ALPK3: variants seen among roughly 807,000 people sequenced by gnomAD.
ALPK3 encodes alpha-protein kinase 3.
ALPK3 carries 102 observed loss-of-function variants against 140.0 expected under a neutral mutation model. That is an observed-to-expected ratio of 0.73 (90% CI 0.62 to 0.86). The LOEUF (loss-of-function observed/expected upper bound fraction) is 0.86, where lower values mean the gene tolerates loss of function less well. Ranked by LOEUF, ALPK3 falls within the 40% of genes least tolerant of loss-of-function variation. ALPK3 has a pLI of 0.00. For synonymous variants in ALPK3, 938 were observed against 898.5 expected, an observed-to-expected ratio of 1.04 and a Z score of -0.79; for missense variants, 2,254 against 2,208.2, an observed-to-expected ratio of 1.02 and a Z score of -0.42.
At chr15:84,860,567 G>T (rs1251257965) in intron 9 of ALPK3, among the ~76,000 whole-genome samples, 1 of 152,220 alleles carries the variant, frequency 6.6e-6, no homozygotes. Context: ...CATTTGAAGG[G>T]CTCAAATAGG....
At chr15:84,832,100 G>A (rs546073910) in intron 3 of ALPK3, among the ~76,000 whole-genome samples, 1 of 152,312 alleles carries the variant, frequency 6.6e-6, no homozygotes, top group African/African-American at 2.4e-5. Flanking sequence ...GTCATCCAGT[G>A]AGATAGAATG....
chr15:84,858,125 A>G lies in ALPK3; in HGVS notation c.3387A>G (p.Ser1129=). The G allele has an allele frequency of 6.3e-7, 1 of 1,586,940 alleles. No individual in the cohort carries two copies. The highest frequency in any genetic ancestry group is 1.2e-5 in the South Asian group (1 of 86,482). ...AGGCAGCCCCTGGACAGGGGCCCTC[A>G]GCAGAGAGCATAGCCCAGGAGCCCT... ...GGQAAPGQGP[S]AESIAQEPSQ... is the part of the protein sequence containing the mutation. Residue 1129 remains serine, a synonymous_variant, in exon 6 of 14, where the codon TCA becomes TCG. Transcript: ENST00000258888.
In ALPK3 at chr15:84,856,420, C is replaced by T. The variant is rs748101596; in HGVS notation, c.1682C>T (p.Pro561Leu). The stretch of plus-strand genomic sequence containing the variant: ...CTGGAATGCCAGACAACCACGGCTC[C>T]TACCATGTCGGCCAGCAGCAGCTCT... Reference protein sequence around the residue: ...EVLECQTTTAPTMSASSSSDV... With the variant: ...EVLECQTTTALTMSASSSSDV... Residue 561 changes from proline (P) to leucine (L), a missense_variant, in exon 6 of 14, where the codon CCT (proline) becomes CTT (leucine). Coordinates refer to ENST00000258888, the MANE Select transcript of ALPK3 (RefSeq NM_020778.5). 11 of 1,608,480 alleles carry T rather than the reference C, an allele frequency of 6.8e-6. No individual in the cohort carries two copies. The highest frequency in any genetic ancestry group is 6.7e-5 in the South Asian group (6 of 89,870).
At position 84,858,490 on chromosome 15, in the gene ALPK3, T is replaced by A; in HGVS notation, c.3752T>A (p.Val1251Glu). ...AAGGCCGGCGGTCTGGACACAGAGGTGGCCCTGGATGAAGGCAAGCAGGAG... is the reference window on the plus strand; with the variant it reads ...AAGGCCGGCGGTCTGGACACAGAGGAGGCCCTGGATGAAGGCAAGCAGGAG... ...SPKAGGLDTE[V>E]ALDEGKQETL... Residue 1251 changes from valine (V) to glutamate (E), a missense_variant, in exon 6 of 14, where the codon GTG becomes GAG. By Grantham distance (121) the Val-to-Glu change is moderately radical. Transcript: ENST00000258888. 6.3e-7 allele frequency: 1 copy of A among 1,579,142 alleles called. No individual in the cohort carries two copies.
rs1174090150 is a variant in ALPK3 at position 84,824,661 on chromosome 15, C to T, written c.182+1293C>T. Among the ~76,000 whole-genome samples, 7 of 152,104 alleles carry T rather than the reference C, an allele frequency of 4.6e-5. No individual in the cohort carries two copies. In the East Asian group the frequency reaches 5.8e-4, roughly 13 times the overall value. On this transcript the variant is annotated intron_variant, in intron 2 of 13. Transcript: ENST00000258888. The stretch of plus-strand genomic sequence containing the variant: ...GAGTGTGGTAAGCGTTGACAGGAGA[C>T]GACCTGGGCAAACCAAACCTTACCT...
Position 84,862,418 on chromosome 15 carries a change from A to G in ALPK3, c.4130-217A>G, listed in dbSNP as rs768176117. Among the ~76,000 whole-genome samples the G allele has an allele frequency of 1.1e-4, 17 of 152,154 alleles. 1 individual carries two copies. Among genetic ancestry groups the G allele is most frequent in the Admixed American group, 3.3e-4 (5 of 15,288 alleles). ...GTTATGTGATGGATACCACATGGGTACCGCTAGATGGCAGGGGTTGAATCA... is the reference window on the plus strand; with the variant it reads ...GTTATGTGATGGATACCACATGGGTGCCGCTAGATGGCAGGGGTTGAATCA... On this transcript the variant is annotated intron_variant, in intron 9 of 13. Transcript: ENST00000258888.
chr15:84,865,215 C>T (rs1422356471), intron 12 of ALPK3, among the ~76,000 whole-genome samples: 1 of 152,174 alleles, frequency 6.6e-6, no homozygotes, highest in Non-Finnish European at 1.5e-5. Context: ...AGGCATGAAC[C>T]CTCCTTCCTT....
chr15:84,824,305 G>A (rs553202197), intron 2 of ALPK3, among the ~76,000 whole-genome samples: 3 of 152,288 alleles, frequency 2.0e-5, no homozygotes, highest in African/African-American at 7.2e-5. Flanking sequence ...CAGGTTTGCT[G>A]GGTGAATGAC....
intron 1 of ALPK3, among the ~76,000 whole-genome samples, chr15:84,819,852 G>A (rs973814088): frequency 1.3e-5 from 2 of 152,192 alleles, no homozygotes; most frequent in Admixed American, 6.5e-5. Flanking sequence ...GGGAACTGAT[G>A]GACAGCTGAG....
chr15:84,862,739 C>T lies in ALPK3; in HGVS notation c.4234C>T (p.Arg1412Ter), dbSNP rs1431206462. ...TGGGCGACTGGTAAGCGAGGAGCTC[C>T]GAGGGGGTGGATATGGGTGTGGCCT... ...LFGRLVSEELRGGGYGCGLRK... is the reference protein window; with the variant it reads ...LFGRLVSEEL The change falls in exon 10 of 14, where the codon CGA becomes TGA. Residue 1412 changes from arginine to a stop codon, truncating the protein, a stop_gained. Transcript: ENST00000258888. LOFTEE classifies it high-confidence loss of function. The T allele has an allele frequency of 9.3e-6, 15 of 1,613,952 alleles. No individual in the cohort carries two copies. Among genetic ancestry groups the T allele is most frequent in the Admixed American group, 1.7e-5 (1 of 59,986 alleles).
intron 3 of ALPK3, among the ~76,000 whole-genome samples, chr15:84,829,636 G>A (rs1158135273): frequency 2.6e-5 from 4 of 152,186 alleles, no homozygotes; most frequent in African/African-American, 9.7e-5. Context: ...AGCTGTACAT[G>A]CTGTTTATAC....
chr15:84,824,083 A>G (rs756176866), intron 2 of ALPK3, among the ~76,000 whole-genome samples: 4 of 152,120 alleles, frequency 2.6e-5, no homozygotes, highest in South Asian at 2.1e-4. Flanking sequence ...TCTTCTAACC[A>G]TGGTAACTGC....
intron 2 of ALPK3, 35 bp from the exon 3 acceptor site, chr15:84,827,449 A>G (rs1366327414): frequency 2.5e-5 from 41 of 1,612,548 alleles, no homozygotes; most frequent in Non-Finnish European, 3.3e-5. Context: ...TGTTGTGGGG[A>G]AGGCCAGCTC....
chr15:84,852,891 G>C (rs1463146435), intron 5 of ALPK3, among the ~76,000 whole-genome samples: 2 of 152,320 alleles, frequency 1.3e-5, no homozygotes, highest in East Asian at 3.9e-4. Context: ...TTTAGCAGAG[G>C]CAAAGACTAG....
chr15:84,828,243 AACTG>A (rs1368741299), intron 3 of ALPK3, among the ~76,000 whole-genome samples: 1 of 152,240 alleles, frequency 6.6e-6, no homozygotes, highest in East Asian at 1.9e-4. Flanking sequence ...AAGAGTTAGA[AACTG>A]ACTGTTACTT....
At chr15:84,817,619 C>G in intron 1 of ALPK3, 24 bp downstream of exon 1, 1 of 1,477,372 alleles carries the variant, frequency 6.8e-7, no homozygotes, top group Non-Finnish European at 8.9e-7. Flanking sequence ...AGGGGCAGGG[C>G]GGCGTCGGGC....
At chr15:84,846,860 G>T (rs1310159449) in intron 5 of ALPK3, among the ~76,000 whole-genome samples, 2 of 152,014 alleles carry the variant, frequency 1.3e-5, no homozygotes, top group Admixed American at 1.3e-4. Flanking sequence ...CACCTCCTGG[G>T]TTCAAGAGAT....
Position 84,864,426 on chromosome 15 carries a change from G to C in ALPK3, c.4500-16G>C. 1 of 1,609,792 alleles carries C rather than the reference G, an allele frequency of 6.2e-7. No homozygotes were observed. Among genetic ancestry groups the C allele is most frequent in the Non-Finnish European group, 8.5e-7 (1 of 1,176,228 alleles). The stretch of plus-strand genomic sequence containing the variant: ...GGCCATACTTCCTGCTTACTGCAGG[G>C]TGAAACTATGTTTAGGATCATCCCA... On this transcript the variant is annotated splice_polypyrimidine_tract_variant and intron_variant, in intron 11 of 13. Transcript: ENST00000258888.
intron 9 of ALPK3, among the ~76,000 whole-genome samples, chr15:84,860,294 T>C (rs1963928400): frequency 6.6e-6 from 1 of 152,172 alleles, no homozygotes; most frequent in Non-Finnish European, 1.5e-5. Flanking sequence ...AGTTCACCCT[T>C]GTGCCCTTTG....
Sources: gnomAD v4.1 joint callset for allele counts (sites outside exome capture counted in the v4.1 genomes callset) on GRCh38, gnomAD v4.1.1 for gene constraint, MANE v1.5 for transcripts, NCBI Gene and HGNC (gene_info 2026-07-23, HGNC 2026-07-21) for gene names.